Variants in HS6ST3 observed in about 807,000 individuals in gnomAD.
The protein encoded by HS6ST3 is heparan sulfate 6-O-sulfotransferase 3.
In HS6ST3, 12 loss-of-function variants were observed where a neutral mutation model predicts 36.7. That is an observed-to-expected ratio of 0.33 (90% confidence interval 0.21 to 0.53). HS6ST3 has a LOEUF of 0.53. Among genes scored for constraint, HS6ST3 ranks in the 20% least tolerant of loss-of-function variants. The pLI, the probability that HS6ST3 is intolerant of heterozygous loss-of-function variation, is 0.95. For synonymous variants in HS6ST3, 240 were observed against 257.5 expected (o/e 0.93, Z 0.65); for missense variants, 584 against 640.9 (o/e 0.91, Z 0.96).
intron 1 of HS6ST3, among the ~76,000 whole-genome samples, chr13:96,297,214 A>T (rs1461002196): frequency 1.3e-5 from 2 of 152,098 alleles, no homozygotes; most frequent in Non-Finnish European, 2.9e-5. Flanking sequence ...TAATAAATAC[A>T]TAAGTCTTTA....
At chr13:96,256,072 T>G (rs2139380408) in intron 1 of HS6ST3, among the ~76,000 whole-genome samples, 1 of 152,360 alleles carries the variant, frequency 6.6e-6, no homozygotes, top group Middle Eastern at 3.4e-3. Context: ...TTTTTCTGTC[T>G]TCTAATCTGC....
At chr13:96,803,940 G>A (rs1253948867) in intron 1 of HS6ST3, among the ~76,000 whole-genome samples, 2 of 152,102 alleles carry the variant, frequency 1.3e-5, no homozygotes, top group Non-Finnish European at 2.9e-5. Flanking sequence ...ACAGACTGTG[G>A]AAGTAAGGTG....
chr13:96,343,852 C>T (rs1006532929), intron 1 of HS6ST3, among the ~76,000 whole-genome samples: 1 of 152,176 alleles, frequency 6.6e-6, no homozygotes, highest in Non-Finnish European at 1.5e-5. Flanking sequence ...ACGTGATTCT[C>T]CTGCCTCAGT....
At chr13:96,830,853 G>A (rs1407267932) in intron 1 of HS6ST3, among the ~76,000 whole-genome samples, 2 of 152,204 alleles carry the variant, frequency 1.3e-5, no homozygotes, top group Admixed American at 6.5e-5. Flanking sequence ...CCCCCTCAAC[G>A]AGCCAAGGAC....
At position 96,478,664 on chromosome 13, in the gene HS6ST3, G is replaced by A. The variant is rs145910909; in HGVS notation, c.708-353826G>A. Among the ~76,000 whole-genome samples the A allele has an allele frequency of 7.5e-4, 114 of 152,096 alleles. 1 individual carries two copies. The highest frequency in any genetic ancestry group is 2.5e-3 in the African/African-American group (105 of 41,500). On this transcript the variant is annotated intron_variant, in intron 1 of 1. Coordinates refer to ENST00000376705, the MANE Select transcript of HS6ST3 (RefSeq NM_153456.4). ...ATTAGACCTACCATTTATATTTAGC[G>A]TTTGCTTTGTGCCTCTCACTCAGTG...
intron 1 of HS6ST3, among the ~76,000 whole-genome samples, chr13:96,215,424 C>T (rs2054420533): frequency 6.6e-6 from 1 of 152,104 alleles, no homozygotes; most frequent in African/African-American, 2.4e-5. Context: ...TTTATCCAAC[C>T]TATCATATAA....
intron 1 of HS6ST3, among the ~76,000 whole-genome samples, chr13:96,525,453 A>G (rs1232455188): frequency 6.6e-6 from 1 of 152,100 alleles, no homozygotes; most frequent in Admixed American, 6.5e-5. Flanking sequence ...CTCCAGGAAG[A>G]TTGGCTGTTA....
chr13:96,513,018 C>G (rs1313984768), intron 1 of HS6ST3, among the ~76,000 whole-genome samples: 5 of 151,932 alleles, frequency 3.3e-5, no homozygotes, highest in Non-Finnish European at 7.4e-5. Context: ...GAATATCTTT[C>G]TGTTACACCA....
At chr13:96,809,679 G>GT (rs1878273405) in intron 1 of HS6ST3, among the ~76,000 whole-genome samples, 1 of 152,192 alleles carries the variant, frequency 6.6e-6, no homozygotes, top group Admixed American at 6.5e-5. Context: ...AGGCAGAGGT[G>GT]TGTTTTATTT....
At chr13:96,351,571 C>T (rs1457529231) in intron 1 of HS6ST3, among the ~76,000 whole-genome samples, 5 of 152,104 alleles carry the variant, frequency 3.3e-5, no homozygotes, top group South Asian at 2.1e-4. Context: ...CTTAACCTCC[C>T]AAAGTGCTGG....
chr13:96,558,179 C>G (rs758291298), intron 1 of HS6ST3, among the ~76,000 whole-genome samples: 28 of 152,262 alleles, frequency 1.8e-4, no homozygotes, highest in Admixed American at 5.9e-4. Flanking sequence ...GTCATCCAAA[C>G]ATACTTTTCC....
intron 1 of HS6ST3, among the ~76,000 whole-genome samples, chr13:96,620,299 A>T (rs987970448): frequency 9.2e-5 from 14 of 152,196 alleles, no homozygotes; most frequent in African/African-American, 3.4e-4. Flanking sequence ...ACTGTTTTTT[A>T]AAAATGCTTG....
chr13:96,579,326 A>G (rs2056333341), intron 1 of HS6ST3, among the ~76,000 whole-genome samples: 1 of 152,138 alleles, frequency 6.6e-6, no homozygotes, highest in Non-Finnish European at 1.5e-5. Context: ...CCCTGAAGCA[A>G]GAGACTATAT....
rs1020509714 is a variant in HS6ST3 at position 96,755,377 on chromosome 13, T to A, written c.708-77113T>A. Among the ~76,000 whole-genome samples the A allele has an allele frequency of 3.9e-5, 5 of 128,220 alleles. No homozygotes were observed. In the South Asian group the frequency reaches 9.6e-4, roughly 25 times the overall value. The allele number at this position is 128,220 out of a possible 152,430, so 84.1% of individuals were successfully genotyped here. On this transcript the variant is annotated intron_variant, in intron 1 of 1. Transcript: ENST00000376705. ...TTTTGTTTTTGTTTTTGTTTTTGTT[T>A]TTTTTGAGACAGAGTCTCACTCTAT... is the stretch of plus-strand genomic sequence containing the variant.
intron 1 of HS6ST3, among the ~76,000 whole-genome samples, chr13:96,616,037 G>C (rs1320254983): frequency 6.6e-6 from 1 of 152,194 alleles, no homozygotes; most frequent in Non-Finnish European, 1.5e-5. Flanking sequence ...GCCAGGAAAA[G>C]TGTTTTTCTA....
At chr13:96,220,994 TC>T (rs1229350959) in intron 1 of HS6ST3, among the ~76,000 whole-genome samples, 1 of 152,300 alleles carries the variant, frequency 6.6e-6, no homozygotes. Context: ...AAATTGAACA[TC>T]TTAAATATTA....
chr13:96,792,516 AAATAGTCTTTTACTT>A (rs1362256186), intron 1 of HS6ST3, among the ~76,000 whole-genome samples: 5 of 151,986 alleles, frequency 3.3e-5, no homozygotes, highest in Non-Finnish European at 7.4e-5. Flanking sequence ...AGAGCCTGTA[AAATAGTCTTTTACTT>A]GGCTTCAGGC....
At chr13:96,338,953 G>A (rs948784419) in intron 1 of HS6ST3, among the ~76,000 whole-genome samples, 3 of 152,056 alleles carry the variant, frequency 2.0e-5, no homozygotes, top group Non-Finnish European at 4.4e-5. Context: ...TTCTTTCTGG[G>A]TTCAAAAATT....
chr13:96,556,187 C>A (rs1437010187), intron 1 of HS6ST3, among the ~76,000 whole-genome samples: 2 of 152,156 alleles, frequency 1.3e-5, no homozygotes, highest in Non-Finnish European at 2.9e-5. Context: ...CTTCCTAAGG[C>A]TATTTTTAAA....
Sources: allele counts gnomAD v4.1 joint callset (sites outside exome capture counted in the v4.1 genomes callset), GRCh38; gene constraint gnomAD v4.1.1; transcripts MANE v1.5; gene names NCBI Gene and HGNC (gene_info 2026-07-23, HGNC 2026-07-21).